Variants in SYTL5 observed in about 807,000 individuals in gnomAD.
SYTL5 encodes the protein synaptotagmin like 5, also known as synaptotagmin-like protein 5.
A neutral mutation model predicts 55.9 loss-of-function variants in SYTL5; 34 were observed. The ratio of observed to expected loss-of-function variants is 0.61; its 90% CI spans 0.46 to 0.81. The LOEUF (loss-of-function observed/expected upper bound fraction) is 0.81. Ranked by LOEUF, SYTL5 falls within the 30% of genes least tolerant of loss-of-function variation. The pLI is 0.00. For synonymous variants in SYTL5, 221 were observed against 188.7 expected, an observed-to-expected ratio of 1.17 and a Z score of -1.40; for missense variants, 637 against 546.7, an observed-to-expected ratio of 1.17 and a Z score of -1.65.
At chrX:37,923,372 A>T in the SYTL5 span, among the ~76,000 whole-genome samples, 1 of 111,505 alleles carries the variant, frequency 9.0e-6, no homozygotes, top group South Asian at 3.7e-4. Context: ...AGATGCCCTT[A>T]AGTAGTGTTT....
chrX:37,965,909 T>G, the SYTL5 span, among the ~76,000 whole-genome samples: 1 of 112,542 alleles, frequency 8.9e-6, no homozygotes, highest in Admixed American at 9.4e-5. Flanking sequence ...CTGATATAAG[T>G]ATAGCTACTG....
intron 1 of SYTL5, among the ~76,000 whole-genome samples, chrX:38,011,422 G>A (rs1345928995): frequency 9.2e-6 from 1 of 108,479 alleles, no homozygotes; most frequent in Non-Finnish European, 1.9e-5. Context: ...ACGAGGTCAG[G>A]AGATCGAGAC....
intron 6 of SYTL5, among the ~76,000 whole-genome samples, chrX:38,079,767 A>AGACTCT (rs2065491111): frequency 8.9e-6 from 1 of 111,812 alleles, no homozygotes; most frequent in South Asian, 3.7e-4. Flanking sequence ...ATCCTGTAGG[A>AGACTCT]GACTCTAGAG....
intron 2 of SYTL5, among the ~76,000 whole-genome samples, chrX:38,037,934 G>C (rs189296830): frequency 1.5e-4 from 17 of 111,231 alleles, no homozygotes; most frequent in African/African-American, 5.2e-4. Flanking sequence ...GAGTCCAAAG[G>C]CTGAGAACCG....
At chrX:38,083,174 A>C (rs1244745979) in intron 6 of SYTL5, among the ~76,000 whole-genome samples, 2 of 111,433 alleles carry the variant, frequency 1.8e-5, no homozygotes, top group African/African-American at 3.3e-5. Flanking sequence ...CTCTCTCCTC[A>C]AAACGGCTTC....
chrX:38,054,331 C>T lies in SYTL5; in HGVS notation c.238C>T (p.Pro80Ser), dbSNP rs1209444242. ...NLGLIFDRGD[P>S]CQACSLRVCR... ...GGGCCTAATCTTTGACCGGGGAGAC[C>T]CTTGTCAGGCTTGCTCACTGAGGGT... The change falls in exon 3 of 17, where the codon CCT becomes TCT. Residue 80 changes from proline to serine, a missense_variant. By Grantham distance (74) the Pro-to-Ser change is moderately conservative. Transcript: ENST00000297875. 8.3e-7 allele frequency: 1 copy of T among 1,211,070 alleles called. No homozygotes were observed. Among genetic ancestry groups the T allele is most frequent in the Admixed American group, 2.2e-5 (1 of 45,935 alleles).
At chrX:38,117,019 C>A (rs762547938) in intron 13 of SYTL5, among the ~76,000 whole-genome samples, 12 of 112,097 alleles carry the variant, frequency 1.1e-4, no homozygotes, top group African/African-American at 3.2e-4. Flanking sequence ...CAGCACTTAG[C>A]AAAATGCCTT....
At chrX:37,895,081 T>C in the SYTL5 span, among the ~76,000 whole-genome samples, 1 of 112,014 alleles carries the variant, frequency 8.9e-6, no homozygotes, top group African/African-American at 3.2e-5. Context: ...TCTACATCTA[T>C]GTCTATCACC....
At chrX:37,913,857 C>A in the SYTL5 span, among the ~76,000 whole-genome samples, 3 of 112,020 alleles carry the variant, frequency 2.7e-5, no homozygotes, top group African/African-American at 9.7e-5. Context: ...CTTTTCCTTT[C>A]CTGAATTTCC....
At chrX:37,956,627 T>C in the SYTL5 span, among the ~76,000 whole-genome samples, 5 of 112,661 alleles carry the variant, frequency 4.4e-5, no homozygotes, top group African/African-American at 1.3e-4. Flanking sequence ...GATTTCATGA[T>C]TTTTTAATAA....
the SYTL5 span, among the ~76,000 whole-genome samples, chrX:37,934,107 T>C: frequency 9.0e-6 from 1 of 111,568 alleles, no homozygotes; most frequent in Non-Finnish European, 1.9e-5. Context: ...GAGAAATTGA[T>C]TTCCAGAGTT....
chrX:38,085,460 T>G (rs1936642489), intron 6 of SYTL5, among the ~76,000 whole-genome samples: 1 of 112,115 alleles, frequency 8.9e-6, no homozygotes, highest in Admixed American at 9.5e-5. Context: ...ACTAGAAGAT[T>G]GAGCTACATT....
chrX:38,120,318 C>T (rs1232018399), intron 13 of SYTL5, 40 bp from the exon 14 acceptor site: 2 of 983,491 alleles, frequency 2.0e-6, no homozygotes, highest in Non-Finnish European at 2.9e-6. Context: ...CTAAGCCAAT[C>T]ATCCATACTC....
chrX:38,039,034 G>A (rs1054950741), intron 2 of SYTL5, among the ~76,000 whole-genome samples: 1 of 111,709 alleles, frequency 9.0e-6, no homozygotes, highest in Non-Finnish European at 1.9e-5. Context: ...TTGGGGACTC[G>A]TAAAGGTGCT....
Position 38,065,356 on chromosome X carries a change from A to G in SYTL5, c.330-6691A>G, listed in dbSNP as rs534838675. Among the ~76,000 whole-genome samples the G allele has an allele frequency of 4.0e-3, 450 of 111,343 alleles. 2 individuals are homozygous for G. Among genetic ancestry groups the G allele is most frequent in the Non-Finnish European group, 6.3e-3 (333 of 52,941 alleles). On this transcript the variant is annotated intron_variant, in intron 3 of 16. Coordinates refer to ENST00000297875, the MANE Select transcript of SYTL5 (RefSeq NM_138780.3). ...ACCTCTCCTGAAGTATAGTCTTTAA[A>G]AGTTCCTTTAGTGAGAATCTATTTG...
intron 6 of SYTL5, among the ~76,000 whole-genome samples, chrX:38,080,402 A>T (rs1384905481): frequency 1.8e-5 from 2 of 111,542 alleles, no homozygotes; most frequent in Admixed American, 1.9e-4. Flanking sequence ...CTCGTAACCA[A>T]CTAGGTTCTC....
At chrX:37,894,260 T>C in the SYTL5 span, among the ~76,000 whole-genome samples, 4 of 111,890 alleles carry the variant, frequency 3.6e-5, no homozygotes, top group East Asian at 5.6e-4. Context: ...GTGATCCTTA[T>C]TGTTTAAAGC....
chrX:37,899,831 A>T, the SYTL5 span, among the ~76,000 whole-genome samples: 6 of 111,677 alleles, frequency 5.4e-5, no homozygotes, highest in African/African-American at 1.6e-4. Flanking sequence ...GTAATGGTTT[A>T]ATGCCAAGAT....
rs979301726 is a variant in SYTL5 at position 38,110,346 on chromosome X, A to G, written c.1460A>G (p.Glu487Gly). 8.3e-7 allele frequency: 1 copy of G among 1,204,731 alleles called. No homozygotes were observed. The highest frequency in any genetic ancestry group is 2.2e-5 in the Admixed American group (1 of 45,325). The change falls in exon 13 of 17, where the codon GAA (glutamate) becomes GGA (glycine). Residue 487 changes from glutamate to glycine, a missense_variant. Coordinates refer to ENST00000297875, the MANE Select transcript of SYTL5 (RefSeq NM_138780.3). ...TACACTATCAGCCATACCCAGCTGG[A>G]AACAAGAACTCTGCAGCTCTCAGTC... Reference protein sequence around the residue: ...LKYTISHTQLETRTLQLSVWH... With the variant: ...LKYTISHTQLGTRTLQLSVWH...
Sources: allele counts gnomAD v4.1 joint callset (sites outside exome capture counted in the v4.1 genomes callset), GRCh38; gene constraint gnomAD v4.1.1; transcripts MANE v1.5; gene names NCBI Gene and HGNC (gene_info 2026-07-23, HGNC 2026-07-21).